ZNF407: variants seen among roughly 807,000 people sequenced by gnomAD.
ZNF407 encodes zinc finger protein 407.
ZNF407 carries 17 observed loss-of-function variants against 131.2 expected under a neutral mutation model. That is an observed-to-expected ratio of 0.13 (90% confidence interval 0.09 to 0.19). The LOEUF (loss-of-function observed/expected upper bound fraction) is 0.19, where lower values mean the gene tolerates loss of function less well. Ranked by LOEUF, ZNF407 falls within the 10% of genes least tolerant of loss-of-function variation. The pLI is 1.00. For synonymous variants in ZNF407, 1,156 were observed against 1,062.0 expected, an observed-to-expected ratio of 1.09 and a Z score of -1.72; for missense variants, 2,681 against 2,830.6, an observed-to-expected ratio of 0.95 and a Z score of 1.20.
intron 3 of ZNF407, among the ~76,000 whole-genome samples, chr18:74,673,582 A>G (rs140646942): frequency 1.3e-5 from 2 of 152,218 alleles, no homozygotes; most frequent in African/African-American, 2.4e-5. Flanking sequence ...GACTGTGGAT[A>G]CTGTGATGTG....
intron 4 of ZNF407, among the ~76,000 whole-genome samples, chr18:74,864,249 G>A (rs899922119): frequency 1.3e-5 from 2 of 152,178 alleles, no homozygotes; most frequent in African/African-American, 4.8e-5. Context: ...AGAAGTTTGA[G>A]AGTCGTACTA....
intron 4 of ZNF407, among the ~76,000 whole-genome samples, chr18:74,868,367 T>C (rs1265363315): frequency 6.6e-6 from 1 of 152,310 alleles, no homozygotes; most frequent in South Asian, 2.1e-4. Context: ...TTTCTGATCA[T>C]GGGCACCTGG....
chr18:74,767,316 C>A (rs889836411), intron 3 of ZNF407, among the ~76,000 whole-genome samples: 1 of 152,168 alleles, frequency 6.6e-6, no homozygotes, highest in African/African-American at 2.4e-5. Flanking sequence ...CGTAATTCTT[C>A]TTAATTGATA....
rs372669465 is a variant in ZNF407, at chr18:74,635,083, G to T, written c.4064G>T (p.Arg1355Leu). The T allele has an allele frequency of 2.5e-6, 4 of 1,613,866 alleles. No individual in the cohort carries two copies. The highest frequency in any genetic ancestry group is 1.1e-5 in the South Asian group (1 of 91,052). ...GGGCAGGCCATGTACAGTTTTGGTC[G>T]ATTTGACTCCTCCATAATAAGAATA... Reference protein sequence around the residue: ...DKGQAMYSFGRFDSSIIRIKN... With the variant: ...DKGQAMYSFGLFDSSIIRIKN... Residue 1355 changes from arginine to leucine, a missense_variant, in exon 2 of 9, where the codon CGA (arginine) becomes CTA (leucine). Physicochemically the swap from Arg to Leu is moderately radical, Grantham distance 102. Transcript: ENST00000299687. This position sits in a 1 kb window ranked among gnomAD's most constrained non-coding sequence, Gnocchi z 4.7.
intron 4 of ZNF407, among the ~76,000 whole-genome samples, chr18:74,822,152 A>AT (rs1322945722): frequency 1.3e-5 from 2 of 151,910 alleles, no homozygotes; most frequent in African/African-American, 4.8e-5. Flanking sequence ...TTCTTTGTAG[A>AT]TTCTGGATAT....
chr18:75,035,817 C>T (rs1163535530), intron 8 of ZNF407, among the ~76,000 whole-genome samples: 1 of 152,036 alleles, frequency 6.6e-6, no homozygotes, highest in Non-Finnish European at 1.5e-5. Flanking sequence ...ATTCCATTAG[C>T]TGAGATATCT....
At chr18:75,012,811 C>T (rs1972996012) in intron 8 of ZNF407, among the ~76,000 whole-genome samples, 2 of 151,746 alleles carry the variant, frequency 1.3e-5, no homozygotes, top group Admixed American at 1.3e-4. Context: ...ATGGTTTATT[C>T]ATTAAAATCT....
intron 4 of ZNF407, among the ~76,000 whole-genome samples, chr18:74,837,715 C>T (rs1159746218): frequency 6.6e-6 from 1 of 151,952 alleles, no homozygotes; most frequent in Non-Finnish European, 1.5e-5. Context: ...GTGTAGCTGC[C>T]TAATCTCGTT....
chr18:74,855,926 C>T (rs143527870), intron 4 of ZNF407, among the ~76,000 whole-genome samples: 2 of 152,274 alleles, frequency 1.3e-5, no homozygotes, highest in East Asian at 1.9e-4. Flanking sequence ...CACTGAAAGG[C>T]GTGTAGAGAG....
At chr18:74,772,242 AC>A (rs2145003470) in intron 3 of ZNF407, among the ~76,000 whole-genome samples, 1 of 152,254 alleles carries the variant, frequency 6.6e-6, no homozygotes, top group East Asian at 1.9e-4. Context: ...GACATATAAA[AC>A]TGTTGTATAA....
intron 8 of ZNF407, among the ~76,000 whole-genome samples, chr18:75,022,745 G>A (rs1163854614): frequency 2.0e-5 from 3 of 152,160 alleles, no homozygotes; most frequent in Non-Finnish European, 4.4e-5. Context: ...ATGTAAATTA[G>A]TTCAACCACT....
intron 4 of ZNF407, 57 bp from the exon 5 acceptor site, chr18:74,877,140 G>T: frequency 2.0e-6 from 3 of 1,532,300 alleles, no homozygotes; most frequent in Non-Finnish European, 2.7e-6. Context: ...GCTGCCTGGG[G>T]CCTTCGGTGC....
chr18:74,983,208 C>T (rs1972613422), intron 8 of ZNF407, among the ~76,000 whole-genome samples: 1 of 152,044 alleles, frequency 6.6e-6, no homozygotes, highest in Admixed American at 6.6e-5. Context: ...GAGTAGTACC[C>T]GGCTTTTGCT....
At chr18:75,037,101 A>G (rs1973317977) in intron 8 of ZNF407, among the ~76,000 whole-genome samples, 1 of 152,224 alleles carries the variant, frequency 6.6e-6, no homozygotes, top group South Asian at 2.1e-4. Flanking sequence ...TTCATTAGGA[A>G]TTCTCCAGCT....
At chr18:74,647,350 G>A (rs1468370857) in intron 3 of ZNF407, among the ~76,000 whole-genome samples, 1 of 152,084 alleles carries the variant, frequency 6.6e-6, no homozygotes, top group Admixed American at 6.6e-5. Context: ...GGGCTGCAGA[G>A]GGAAGCTCTT....
intron 6 of ZNF407, among the ~76,000 whole-genome samples, chr18:74,888,913 G>A (rs1267636771): frequency 6.6e-6 from 1 of 152,160 alleles, no homozygotes. Flanking sequence ...CACTTGATAA[G>A]CACGTTCACA....
chr18:74,746,771 C>G (rs1353439070), intron 3 of ZNF407, among the ~76,000 whole-genome samples: 2 of 151,188 alleles, frequency 1.3e-5, no homozygotes, highest in African/African-American at 4.9e-5. Flanking sequence ...CTGCCTGAAG[C>G]TGTTTTACAC....
In ZNF407 at chr18:74,841,400, C is replaced by T. The variant is rs758691165; in HGVS notation, c.4878-35797C>T. 2.6e-5 allele frequency among the ~76,000 whole-genome samples: 4 copies of T among 152,116 alleles called. No homozygotes were observed. In the East Asian group the frequency reaches 5.8e-4, roughly 22 times the overall value. On this transcript the variant is annotated intron_variant, in intron 4 of 8. Transcript: ENST00000299687. ...CATTACCCTTCATCCCTTTGCTCAC[C>T]GCTTCCCTTCTCAGTGAGGCCCGTC... is the stretch of plus-strand genomic sequence containing the variant.
chr18:75,049,582 A>C (rs1973476344), intron 8 of ZNF407, among the ~76,000 whole-genome samples: 1 of 152,128 alleles, frequency 6.6e-6, no homozygotes, highest in Non-Finnish European at 1.5e-5. Context: ...TAGGAGTCTC[A>C]ATGCTAAGGC....
Sources: gnomAD v4.1 joint callset for allele counts (sites outside exome capture counted in the v4.1 genomes callset) on GRCh38, gnomAD v4.1.1 for gene constraint, Gnocchi (gnomAD v3.1) non-coding constraint, MANE v1.5 for transcripts, NCBI Gene and HGNC (gene_info 2026-07-23, HGNC 2026-07-21) for gene names.